Variants in SLC24A2 observed in about 807,000 individuals in gnomAD.
The protein encoded by SLC24A2 is solute carrier family 24 member 2, also known as sodium/potassium/calcium exchanger 2.
A neutral mutation model predicts 62.0 loss-of-function variants in SLC24A2; 36 were observed. That is an observed-to-expected ratio of 0.58 (90% confidence interval 0.44 to 0.77). SLC24A2 has a LOEUF of 0.77. Among genes scored for constraint, SLC24A2 ranks in the 30% least tolerant of loss-of-function variants. The probability of loss-of-function intolerance (pLI) is 0.00; values close to 1 mark genes in which losing one functional copy is unlikely to be tolerated. For synonymous variants in SLC24A2, 358 were observed against 294.0 expected (o/e 1.22, Z -2.23); for missense variants, 846 against 817.9 (o/e 1.03, Z -0.42).
the SLC24A2 span, among the ~76,000 whole-genome samples, chr9:19,972,298 C>T: frequency 6.6e-6 from 1 of 152,044 alleles, no homozygotes. Context: ...AAGTCAAATG[C>T]CGTTAGTCAG....
chr9:19,765,561 A>C (rs894495611), intron 2 of SLC24A2, among the ~76,000 whole-genome samples: 1 of 152,202 alleles, frequency 6.6e-6, no homozygotes, highest in Non-Finnish European at 1.5e-5. Flanking sequence ...TATGAGGCTT[A>C]GTTTGGCTGG....
At chr9:20,178,131 G>A in the SLC24A2 span, among the ~76,000 whole-genome samples, 2 of 152,258 alleles carry the variant, frequency 1.3e-5, no homozygotes, top group East Asian at 1.9e-4. Context: ...AGCCTTACAA[G>A]TACAGGTAAA....
chr9:20,204,947 A>C, the SLC24A2 span, among the ~76,000 whole-genome samples: 1 of 151,898 alleles, frequency 6.6e-6, no homozygotes, highest in African/African-American at 2.4e-5. Flanking sequence ...GGGTTTCACC[A>C]TGTTAGCCAG....
chr9:20,253,627 G>C, the SLC24A2 span, among the ~76,000 whole-genome samples: 1 of 152,114 alleles, frequency 6.6e-6, no homozygotes, highest in African/African-American at 2.4e-5. Context: ...CTAATCTCTG[G>C]GGAAGTGGGG....
the SLC24A2 span, among the ~76,000 whole-genome samples, chr9:20,094,575 T>C: frequency 1.5e-4 from 23 of 152,266 alleles, 1 homozygote; most frequent in African/African-American, 5.3e-4. Context: ...TTTGTGAAAA[T>C]AGTATAGCAA....
the SLC24A2 span, among the ~76,000 whole-genome samples, chr9:20,221,580 T>TA: frequency 0.12 from 18,007 of 151,878 alleles, 2,304 homozygotes; most frequent in East Asian, 0.61. Context: ...GGTAGTTATC[T>TA]AAAATTGAAA....
the SLC24A2 span, among the ~76,000 whole-genome samples, chr9:20,132,669 T>C: frequency 6.6e-6 from 1 of 152,134 alleles, no homozygotes; most frequent in African/African-American, 2.4e-5. Flanking sequence ...AGTATGTCTG[T>C]CAATTTTTCA....
intron 2 of SLC24A2, among the ~76,000 whole-genome samples, chr9:19,691,163 GCC>G (rs766595368): frequency 6.6e-5 from 10 of 152,136 alleles, no homozygotes; most frequent in Non-Finnish European, 8.8e-5. Flanking sequence ...GATGAGAAGA[GCC>G]CTCACAAATA....
At chr9:20,261,916 T>C in the SLC24A2 span, among the ~76,000 whole-genome samples, 7 of 151,898 alleles carry the variant, frequency 4.6e-5, no homozygotes, top group Non-Finnish European at 8.8e-5. Flanking sequence ...GTTTTTGTAT[T>C]TTTAGTAGAG....
At chr9:19,701,614 C>G (rs551461239) in intron 2 of SLC24A2, among the ~76,000 whole-genome samples, 1 of 152,290 alleles carries the variant, frequency 6.6e-6, no homozygotes, top group South Asian at 2.1e-4. Flanking sequence ...AAAATAAAGA[C>G]GCAGGTTTGA....
intron 2 of SLC24A2, among the ~76,000 whole-genome samples, chr9:19,777,448 C>G (rs1587312168): frequency 6.6e-6 from 1 of 152,228 alleles, no homozygotes; most frequent in East Asian, 1.9e-4. Context: ...ATCAGAAATT[C>G]ATGTGTAAAG....
At chr9:20,071,790 G>A in the SLC24A2 span, among the ~76,000 whole-genome samples, 7 of 152,086 alleles carry the variant, frequency 4.6e-5, no homozygotes, top group Admixed American at 6.6e-5. Flanking sequence ...TGCTGCAGTC[G>A]CAAGTCTGGG....
the SLC24A2 span, among the ~76,000 whole-genome samples, chr9:19,964,907 A>G: frequency 6.6e-6 from 1 of 152,160 alleles, no homozygotes; most frequent in Admixed American, 6.5e-5. Context: ...GTGAGAAGCA[A>G]CGAGACGGGA....
At chr9:19,611,776 G>A (rs539636244) in intron 4 of SLC24A2, among the ~76,000 whole-genome samples, 2 of 152,238 alleles carry the variant, frequency 1.3e-5, no homozygotes, top group South Asian at 4.2e-4. Flanking sequence ...AAGAAGACTG[G>A]ACAAAGTTAC....
chr9:19,969,226 C>CACACAT, the SLC24A2 span, among the ~76,000 whole-genome samples: 1 of 150,496 alleles, frequency 6.6e-6, no homozygotes, highest in Admixed American at 6.7e-5. Flanking sequence ...CACACACACA[C>CACACAT]TTCTTCCTCC....
At chr9:20,007,879 C>CTTTTTTT in the SLC24A2 span, among the ~76,000 whole-genome samples, 44 of 39,542 alleles carry the variant, frequency 1.1e-3, 19 homozygotes, top group African/African-American at 2.0e-3. Flanking sequence ...TTACTCCTCT[C>CTTTTTTT]TTTTTTTTTT....
the SLC24A2 span, among the ~76,000 whole-genome samples, chr9:20,229,781 G>A: frequency 4.6e-4 from 70 of 150,990 alleles, no homozygotes; most frequent in African/African-American, 1.6e-3. Context: ...TGTGCACAAC[G>A]TGCAGGTTTG....
chr9:20,252,279 A>G, the SLC24A2 span, among the ~76,000 whole-genome samples: 1 of 152,200 alleles, frequency 6.6e-6, no homozygotes, highest in Non-Finnish European at 1.5e-5. Context: ...CCTTAGATTT[A>G]TGTAGCAATT....
At chr9:20,229,235 C>T in the SLC24A2 span, among the ~76,000 whole-genome samples, 1 of 152,148 alleles carries the variant, frequency 6.6e-6, no homozygotes, top group Middle Eastern at 3.2e-3. Flanking sequence ...GAGTCTGATG[C>T]CCAAGGTTCA....
Sources: allele counts gnomAD v4.1 joint callset (sites outside exome capture counted in the v4.1 genomes callset), GRCh38; gene constraint gnomAD v4.1.1; transcripts MANE v1.5; gene names NCBI Gene and HGNC (gene_info 2026-07-23, HGNC 2026-07-21).